GSTM5: variants seen among roughly 807,000 people sequenced by gnomAD.
The protein encoded by GSTM5 is GST class-mu 5.
Under a neutral mutation model 29.0 loss-of-function variants are expected in GSTM5, and 24 were observed. The observed-to-expected ratio is 0.83, with a 90% CI of 0.60 to 1.16. The LOEUF (loss-of-function observed/expected upper bound fraction) is 1.16, where lower values mean the gene tolerates loss of function less well. Among genes scored for constraint, GSTM5 ranks in the 50% most tolerant of loss-of-function variants. The probability of loss-of-function intolerance (pLI) is 0.00; values close to 1 mark genes in which losing one functional copy is unlikely to be tolerated. For synonymous variants in GSTM5, 91 were observed against 93.6 expected (o/e 0.97, Z 0.16); for missense variants, 290 against 263.0 (o/e 1.10, Z -0.71).
chr1:109,712,154 G>C, upstream of GSTM5: 1 of 790,368 alleles, frequency 1.3e-6, no homozygotes, highest in Middle Eastern at 2.4e-4. Flanking sequence ...TTCCAGCCCC[G>C]GGCGCTCGCT....
In GSTM5 at chr1:109,712,604, G is replaced by A; in HGVS notation, c.37-14G>A. 8 of 1,613,970 alleles carry A rather than the reference G, an allele frequency of 5.0e-6. No homozygotes were observed. The highest frequency in any genetic ancestry group is 6.8e-6 in the Non-Finnish European group (8 of 1,179,884). On this transcript the variant is annotated splice_polypyrimidine_tract_variant and intron_variant, in intron 1 of 7. Transcript: ENST00000256593. ...CCTCCATCTCTGACCCGAGCCGCGG[G>A]CCATCTCTCCCAGCTGGCCCACGCC...
intron 3 of GSTM5, 90 bp downstream of exon 3, chr1:109,713,273 G>A: frequency 6.3e-7 from 1 of 1,581,880 alleles, no homozygotes; most frequent in Non-Finnish European, 8.7e-7. Context: ...GTTAAGATCA[G>A]GAGTCTTCTG....
intron 1 of GSTM5, 124 bp from the exon 2 acceptor site, chr1:109,712,494 G>C (rs1397594874): frequency 7.6e-7 from 1 of 1,319,616 alleles, no homozygotes; most frequent in East Asian, 2.3e-5. Flanking sequence ...GTGTTTGGGG[G>C]TGGGGGCGGG....
chr1:109,713,281 C>G, intron 3 of GSTM5, 98 bp downstream of exon 3: 1 of 1,557,670 alleles, frequency 6.4e-7, no homozygotes, highest in East Asian at 2.2e-5. Flanking sequence ...CAGGAGTCTT[C>G]TGCCCAATTC....
rs951227385 is a variant in GSTM5, at chr1:109,717,504, G to C, written c.*78G>C. The stretch of plus-strand genomic sequence containing the variant: ...CCCTGGAGGACAGCCTGACTCCCTG[G>C]ACCTGCCTTCTTCCTTTTTCCTTCT... On this transcript the variant is annotated 3_prime_UTR_variant, in exon 8 of 8. Transcript: ENST00000256593. 5.1e-6 allele frequency: 5 copies of C among 978,626 alleles called. No individual in the cohort carries two copies. The South Asian group carries it at 5.1e-5, about 10-fold the overall frequency. The allele number at this position is 978,626 out of a possible 1,614,324, so 60.6% of individuals were successfully genotyped here.
At chr1:109,713,058 G>C (rs943263356) in intron 2 of GSTM5, 61 bp from the exon 3 acceptor site, 2 of 1,602,950 alleles carry the variant, frequency 1.2e-6, no homozygotes, top group Non-Finnish European at 1.7e-6. Flanking sequence ...TCCTTGGGAG[G>C]GTCCCCGGGA....
intron 1 of GSTM5, 37 bp downstream of exon 1, chr1:109,712,385 G>T: frequency 6.2e-7 from 1 of 1,607,806 alleles, no homozygotes; most frequent in Non-Finnish European, 8.5e-7. Flanking sequence ...GACAGGGGGC[G>T]GAGGCGGGGA....
At chr1:109,712,014 C>T (rs1181606337), upstream of GSTM5, among the ~76,000 whole-genome samples, 6 of 152,092 alleles carry the variant, frequency 3.9e-5, no homozygotes, top group Non-Finnish European at 7.4e-5. Context: ...CTAGCAAGGG[C>T]TGGATGGACT....
intron 2 of GSTM5, 147 bp downstream of exon 2, chr1:109,712,840 C>G (rs1172970869): frequency 9.9e-7 from 1 of 1,006,116 alleles, no homozygotes; most frequent in Non-Finnish European, 1.6e-6. Context: ...AGTGAGCCCT[C>G]TGGCCTTGCA....
chr1:109,717,619 T>TC lies in GSTM5; in HGVS notation c.*197dup, dbSNP rs1445872317. 3 of 539,166 alleles carry TC rather than the reference T, an allele frequency of 5.6e-6. No individual in the cohort carries two copies. In the African/African-American group the frequency reaches 5.7e-5, roughly 10 times the overall value. 33.4% of individuals were successfully genotyped at this position (539,166 alleles called of 1,614,324 possible). A position where few individuals can be genotyped will look rare whatever the true frequency, so the allele number is the denominator to read the frequency against. On this transcript the variant is annotated 3_prime_UTR_variant, in exon 8 of 8. Coordinates refer to ENST00000256593, the MANE Select transcript of GSTM5 (RefSeq NM_000851.4). The stretch of plus-strand genomic sequence containing the variant: ...CATCGAGGCTCTTTAAAGCTTCAGC[T>TC]CCCCACTGTCCTCCATCAAAGTCCC...
chr1:109,715,151 G>A lies in GSTM5; in HGVS notation c.478G>A (p.Ala160Thr), dbSNP rs150016475. The A allele has an allele frequency of 7.5e-5, 121 of 1,614,058 alleles. 1 individual carries two copies. The highest frequency in any genetic ancestry group is 9.8e-5 in the Non-Finnish European group (116 of 1,180,032). The change falls in exon 7 of 8, where the codon GCC (alanine) becomes ACC (threonine). Residue 160 changes from alanine (A) to threonine (T), a missense_variant. Coordinates refer to ENST00000256593, the MANE Select transcript of GSTM5 (RefSeq NM_000851.4). ...GDKITFVDFL[A>T]YDVLDMKRIF... Reference sequence around the variant, plus strand: ...TCAGATCACCTTTGTGGATTTCCTTGCCTATGATGTCCTTGACATGAAGCG... The same window carrying A: ...TCAGATCACCTTTGTGGATTTCCTTACCTATGATGTCCTTGACATGAAGCG...
chr1:109,712,543 C>T, intron 1 of GSTM5, 75 bp from the exon 2 acceptor site: 1 of 1,541,434 alleles, frequency 6.5e-7, no homozygotes, highest in East Asian at 2.2e-5. Flanking sequence ...AGACTAGGGG[C>T]TGGCCTGGTG....
Position 109,712,713 on chromosome 1 carries a change from C to G in GSTM5, c.112+20C>G. 1 of 1,613,540 alleles carries G rather than the reference C, an allele frequency of 6.2e-7. No individual in the cohort carries two copies. Among genetic ancestry groups the G allele is most frequent in the Non-Finnish European group, 8.5e-7 (1 of 1,179,422 alleles). On this transcript the variant is annotated intron_variant, in intron 2 of 7. Transcript: ENST00000256593. ...GGGACGGTAATGGCACCCTCGTGTCCGGGCCCTGCCCACTCACGCTGAGTT... is the reference window on the plus strand; with the variant it reads ...GGGACGGTAATGGCACCCTCGTGTCGGGGCCCTGCCCACTCACGCTGAGTT...
chr1:109,713,499 G>A lies in GSTM5; in HGVS notation c.193G>A (p.Asp65Asn), dbSNP rs1489465247. ...ATCTATCCAGCTGCCCTACTTGATT[G>A]ATGGGGCTCACAAGATCACCCAGAG... ...LDFPNLPYLI[D>N]GAHKITQSNA... The change falls in exon 4 of 8, where the codon GAT becomes AAT. Residue 65 changes from aspartate (D) to asparagine (N), a missense_variant. Asp to Asn is a conservative substitution (Grantham distance 23, BLOSUM62 1). Coordinates refer to ENST00000256593, the MANE Select transcript of GSTM5 (RefSeq NM_000851.4). 1 of 1,614,236 alleles carries A rather than the reference G, an allele frequency of 6.2e-7. No individual in the cohort carries two copies. Among genetic ancestry groups the A allele is most frequent in the East Asian group, 2.2e-5 (1 of 44,872 alleles).
upstream of GSTM5, among the ~76,000 whole-genome samples, chr1:109,711,868 G>C (rs1648519854): frequency 7.1e-6 from 1 of 141,156 alleles, no homozygotes; most frequent in Non-Finnish European, 1.6e-5. Flanking sequence ...TGCAGCCGGA[G>C]TCTCCCAGAG....
chr1:109,713,291 C>T (rs1485270873), intron 3 of GSTM5, 108 bp downstream of exon 3: 4 of 1,524,002 alleles, frequency 2.6e-6, no homozygotes, highest in Non-Finnish European at 3.6e-6. Flanking sequence ...CTGCCCAATT[C>T]CTCTCACTCT....
chr1:109,712,177 G>A (rs1440313937), upstream of GSTM5: 2 of 955,036 alleles, frequency 2.1e-6, no homozygotes, highest in African/African-American at 3.2e-5. Context: ...GGGGCCTACA[G>A]AATGGCGTGT....
upstream of GSTM5, chr1:109,712,180 T>TGGC (rs1480028925): frequency 1.0e-6 from 1 of 961,780 alleles, no homozygotes; most frequent in Non-Finnish European, 1.7e-6. Flanking sequence ...GCCTACAGAA[T>TGGC]GGCGTGTTTC....
Position 109,715,350 on chromosome 1 carries a change from C to T in GSTM5, c.567+110C>T, listed in dbSNP as rs749958044. On this transcript the variant is annotated intron_variant, in intron 7 of 7. Transcript: ENST00000256593. Reference sequence around the variant, plus strand: ...AAGAATAACTCGTATGTATTGAGTACGGGCTTCATGCCAGGAATCATGCCC... The same window carrying T: ...AAGAATAACTCGTATGTATTGAGTATGGGCTTCATGCCAGGAATCATGCCC... 4.3e-5 allele frequency: 69 copies of T among 1,605,818 alleles called. 1 individual carries two copies. The highest frequency in any genetic ancestry group is 1.3e-4 in the East Asian group (6 of 44,700).
Sources: allele counts gnomAD v4.1 joint callset (sites outside exome capture counted in the v4.1 genomes callset), GRCh38; gene constraint gnomAD v4.1.1; transcripts MANE v1.5; gene names NCBI Gene and HGNC (gene_info 2026-07-23, HGNC 2026-07-21).